Variants in MPHOSPH9 observed in about 807,000 individuals in gnomAD.
MPHOSPH9 encodes the protein M-phase phosphoprotein 9.
In MPHOSPH9, 88 loss-of-function variants were observed where a neutral mutation model predicts 145.5. That is an observed-to-expected ratio of 0.60 (90% CI 0.51 to 0.72). The LOEUF (loss-of-function observed/expected upper bound fraction) is 0.72, where lower values mean the gene tolerates loss of function less well. Among genes scored for constraint, MPHOSPH9 ranks in the 30% least tolerant of loss-of-function variants. The probability of loss-of-function intolerance (pLI) is 0.00; values close to 1 mark genes in which losing one functional copy is unlikely to be tolerated. For synonymous variants in MPHOSPH9, 435 were observed against 486.2 expected (o/e 0.89, Z 1.39); for missense variants, 1,238 against 1,386.6 (o/e 0.89, Z 1.70).
intron 16 of MPHOSPH9, among the ~76,000 whole-genome samples, chr12:123,171,992 C>T (rs982093120): frequency 1.3e-5 from 2 of 152,194 alleles, no homozygotes; most frequent in Non-Finnish European, 2.9e-5. Context: ...TGCACGTTTT[C>T]ATACGTTTAC....
intron 13 of MPHOSPH9, among the ~76,000 whole-genome samples, chr12:123,183,547 C>CAAAAAAAAAAAA (rs746928699): frequency 1.7e-5 from 1 of 59,988 alleles, no homozygotes; most frequent in Non-Finnish European, 2.8e-5. Context: ...GACTCTGTCT[C>CAAAAAAAAAAAA]AAAAAAAAAA....
At chr12:123,162,980 A>T (rs545582274) in intron 20 of MPHOSPH9, 34 bp downstream of exon 20, 2 of 1,521,224 alleles carry the variant, frequency 1.3e-6, no homozygotes, top group South Asian at 2.6e-5. Flanking sequence ...TCACTAATAT[A>T]GTAAACTTTA....
intron 17 of MPHOSPH9, among the ~76,000 whole-genome samples, chr12:123,165,788 C>T (rs1615350): frequency 0.59 from 89,464 of 152,068 alleles, 30,764 homozygotes; most frequent in Non-Finnish European, 0.75. Context: ...TGATCTTGCA[C>T]TTCCAGCCTC....
chr12:123,233,251 A>G (rs1370973387), upstream of MPHOSPH9: 1 of 152,182 alleles, frequency 6.6e-6, no homozygotes, highest in Non-Finnish European at 1.5e-5. Context: ...CGCAGCTCCA[A>G]CCAAAGAGAG....
chr12:123,195,573 G>C (rs1327161729), intron 12 of MPHOSPH9, among the ~76,000 whole-genome samples: 1 of 151,158 alleles, frequency 6.6e-6, no homozygotes, highest in African/African-American at 2.4e-5. Flanking sequence ...GTGACAGAGT[G>C]AGACTCTGTC....
In MPHOSPH9 at chr12:123,164,922, T is replaced by C. The variant is rs1423376015; in HGVS notation, c.2767+380A>G. On this transcript the variant is annotated intron_variant, in intron 18 of 23. Coordinates refer to ENST00000606320, the MANE Select transcript of MPHOSPH9 (RefSeq NM_022782.4). ...TACTTGAGAGGCTGAGGCAGGATGATAGCTTGAACCCTGGAGATGGAGTTT... is the reference window on the plus strand; with the variant it reads ...TACTTGAGAGGCTGAGGCAGGATGACAGCTTGAACCCTGGAGATGGAGTTT... Among the ~76,000 whole-genome samples the C allele has an allele frequency of 2.1e-5, 3 of 145,882 alleles. No homozygotes were observed. The South Asian group carries it at 6.3e-4, about 31-fold the overall frequency.
intron 23 of MPHOSPH9, 44 bp downstream of exon 23, chr12:123,160,737 C>G (rs764323447): frequency 2.6e-6 from 4 of 1,560,456 alleles, no homozygotes; most frequent in Non-Finnish European, 3.5e-6. Context: ...GGAACACTGA[C>G]TGGCATCAAG....
At chr12:123,163,174 ATATG>A (rs2044178202) in intron 19 of MPHOSPH9, 40 bp from the exon 20 acceptor site, 2 of 1,534,262 alleles carry the variant, frequency 1.3e-6, no homozygotes, top group African/African-American at 1.4e-5. Context: ...TTTTCCTTCT[ATATG>A]TATCAGCATA....
chr12:123,185,909 T>C (rs965945929), intron 13 of MPHOSPH9, among the ~76,000 whole-genome samples: 1 of 152,008 alleles, frequency 6.6e-6, no homozygotes, highest in South Asian at 2.1e-4. Flanking sequence ...TTAAATTTCC[T>C]GAGGATGAAA....
At chr12:123,171,389 G>A (rs563867642) in intron 16 of MPHOSPH9, among the ~76,000 whole-genome samples, 8 of 152,168 alleles carry the variant, frequency 5.3e-5, no homozygotes, top group African/African-American at 1.9e-4. Flanking sequence ...GGAGGCGAAG[G>A]TTGCAGTGAG....
At chr12:123,226,116 C>A (rs1161187633) in intron 3 of MPHOSPH9, among the ~76,000 whole-genome samples, 1 of 152,202 alleles carries the variant, frequency 6.6e-6, no homozygotes, top group East Asian at 1.9e-4. Flanking sequence ...TAAAACATTC[C>A]ATTTTTAATT....
chr12:123,224,707 A>G (rs1398522329), intron 3 of MPHOSPH9, among the ~76,000 whole-genome samples: 2 of 152,190 alleles, frequency 1.3e-5, no homozygotes, highest in Non-Finnish European at 2.9e-5. Flanking sequence ...GTCCCCCATG[A>G]TGAAGAATTG....
chr12:123,153,564 C>G (rs2043811490), downstream of MPHOSPH9, among the ~76,000 whole-genome samples: 2 of 152,182 alleles, frequency 1.3e-5, 1 homozygote, highest in South Asian at 4.2e-4. Context: ...GTCAGAAGTT[C>G]AAGACCAGGA....
intron 1 of MPHOSPH9, among the ~76,000 whole-genome samples, chr12:123,238,270 G>T (rs1011112832): frequency 6.6e-6 from 1 of 152,050 alleles, no homozygotes; most frequent in African/African-American, 2.4e-5. Flanking sequence ...CTTAGCTTCT[G>T]GCACCACCTG....
chr12:123,199,723 G>A (rs1450016683), intron 11 of MPHOSPH9, among the ~76,000 whole-genome samples: 3 of 151,508 alleles, frequency 2.0e-5, no homozygotes, highest in Admixed American at 6.6e-5. Context: ...AACCTGGGAG[G>A]CGGAGCTTGC....
At chr12:123,237,498 G>T (rs185275919), upstream of MPHOSPH9, among the ~76,000 whole-genome samples, 1 of 152,288 alleles carries the variant, frequency 6.6e-6, no homozygotes, top group Admixed American at 6.5e-5. Context: ...TACTTCATTA[G>T]CTATCTCTTG....
intron 17 of MPHOSPH9, 31 bp from the exon 18 acceptor site, chr12:123,165,508 T>C (rs775459815): frequency 1.9e-6 from 3 of 1,587,856 alleles, no homozygotes; most frequent in Non-Finnish European, 2.6e-6. Context: ...CATACAGTGC[T>C]ATGGACTAAA....
chr12:123,183,246 T>C (rs1351138160), intron 13 of MPHOSPH9, among the ~76,000 whole-genome samples: 1 of 147,416 alleles, frequency 6.8e-6, no homozygotes, highest in African/African-American at 2.5e-5. Context: ...TCTTAGAAAA[T>C]TGAAAAGAAA....
upstream of MPHOSPH9, among the ~76,000 whole-genome samples, chr12:123,234,521 G>A (rs1284242657): frequency 6.6e-6 from 1 of 152,054 alleles, no homozygotes; most frequent in African/African-American, 2.4e-5. Context: ...TCAGCCTCCC[G>A]AGTAGCCGGG....
Sources: gnomAD v4.1 joint callset for allele counts (sites outside exome capture counted in the v4.1 genomes callset) on GRCh38, gnomAD v4.1.1 for gene constraint, MANE v1.5 for transcripts, NCBI Gene and HGNC (gene_info 2026-07-23, HGNC 2026-07-21) for gene names.